Variants in MAPRE2 observed in about 807,000 individuals in gnomAD.
MAPRE2 encodes the protein microtubule-associated protein RP/EB family member 2.
MAPRE2 carries 13 observed loss-of-function variants against 43.2 expected under a neutral mutation model. The observed-to-expected ratio is 0.30, with a 90% confidence interval of 0.20 to 0.48. The LOEUF is 0.48. Ranked by LOEUF, MAPRE2 falls within the 20% of genes least tolerant of loss-of-function variation. The pLI is 0.99. For missense variants in MAPRE2, 161 were observed against 400.2 expected, an observed-to-expected ratio of 0.40 and a Z score of 5.10; for synonymous variants, 135 against 148.8, an observed-to-expected ratio of 0.91 and a Z score of 0.68.
At chr18:35,107,199 A>G (rs1021483700) in intron 4 of MAPRE2, among the ~76,000 whole-genome samples, 1 of 152,208 alleles carries the variant, frequency 6.6e-6, no homozygotes, top group Admixed American at 6.5e-5. Context: ...TCAGATTAAT[A>G]GGAATGCCAC....
intron 2 of MAPRE2, among the ~76,000 whole-genome samples, chr18:35,008,918 T>C (rs1187215448): frequency 3.3e-5 from 5 of 152,130 alleles, no homozygotes; most frequent in Non-Finnish European, 5.9e-5. Context: ...GAATGATTAC[T>C]AACTGTAAAG....
intron 1 of MAPRE2, among the ~76,000 whole-genome samples, chr18:35,052,742 GT>G (rs1008877775): frequency 8.5e-5 from 13 of 152,108 alleles, no homozygotes; most frequent in African/African-American, 3.1e-4. Context: ...TCTCTTAAAT[GT>G]TGGCCATCCT....
At chr18:35,067,255 C>G (rs1316975137) in intron 1 of MAPRE2, among the ~76,000 whole-genome samples, 1 of 152,208 alleles carries the variant, frequency 6.6e-6, no homozygotes, top group African/African-American at 2.4e-5. Flanking sequence ...TAATGAACTG[C>G]TTGAAGGCAG....
chr18:35,080,239 T>C (rs1907566349), intron 2 of MAPRE2, among the ~76,000 whole-genome samples: 1 of 152,232 alleles, frequency 6.6e-6, no homozygotes, highest in South Asian at 2.1e-4. Flanking sequence ...CACATTGCTT[T>C]ATTTATTCCT....
intron 1 of MAPRE2, among the ~76,000 whole-genome samples, chr18:35,004,434 T>C (rs1460248006): frequency 6.6e-6 from 1 of 152,196 alleles, no homozygotes; most frequent in African/African-American, 2.4e-5. Context: ...AGGTCATTCA[T>C]AGCAGCATCC....
chr18:35,028,741 T>C (rs1363058565), intron 2 of MAPRE2, among the ~76,000 whole-genome samples: 1 of 152,232 alleles, frequency 6.6e-6, no homozygotes, highest in African/African-American at 2.4e-5. Context: ...ATGCTCTTTA[T>C]ACTGCAAGCC....
At chr18:34,980,684 T>C (rs2150568766) in intron 1 of MAPRE2, among the ~76,000 whole-genome samples, 1 of 152,332 alleles carries the variant, frequency 6.6e-6, no homozygotes, top group Non-Finnish European at 1.5e-5. Flanking sequence ...TTACATTTCA[T>C]ACCCAACAAT....
chr18:35,125,657 C>T lies in MAPRE2; in HGVS notation c.611-1291C>T, dbSNP rs146332129. Among the ~76,000 whole-genome samples, 326 of 152,304 alleles carry T rather than the reference C, an allele frequency of 2.1e-3. 2 individuals carry two copies. Among genetic ancestry groups the T allele is most frequent in the Non-Finnish European group, 2.8e-3 (189 of 68,030 alleles). ...AGAGGAAAAGGGAATGGACGGGCCC[C>T]CAGTAGTGGCTTGGAATTTCATAAT... On this transcript the variant is annotated intron_variant, in intron 4 of 6. Transcript: ENST00000300249.
intron 2 of MAPRE2, among the ~76,000 whole-genome samples, chr18:35,096,766 TATAAGTA>T (rs1908440711): frequency 6.6e-6 from 1 of 151,896 alleles, no homozygotes; most frequent in African/African-American, 2.4e-5. Flanking sequence ...AGGTAATAAG[TATAAGTA>T]ATAATAGTTA....
At chr18:34,996,785 T>C (rs1394140438) in intron 1 of MAPRE2, among the ~76,000 whole-genome samples, 6 of 152,322 alleles carry the variant, frequency 3.9e-5, no homozygotes, top group African/African-American at 1.4e-4. Flanking sequence ...AGGTCTGAAA[T>C]GTGGTGCCCT....
chr18:34,996,227 C>T (rs919519604), intron 1 of MAPRE2, among the ~76,000 whole-genome samples: 2 of 152,088 alleles, frequency 1.3e-5, no homozygotes, highest in Non-Finnish European at 2.9e-5. Flanking sequence ...ACCTTTTTGG[C>T]ACCAGGGACC....
chr18:35,006,919 T>C (rs542375642), intron 2 of MAPRE2, among the ~76,000 whole-genome samples: 2 of 152,294 alleles, frequency 1.3e-5, no homozygotes, highest in East Asian at 3.9e-4. Flanking sequence ...GCCAAGATCG[T>C]GCCACTGCAC....
chr18:35,025,257 G>A (rs983595494), intron 2 of MAPRE2, among the ~76,000 whole-genome samples: 5 of 152,184 alleles, frequency 3.3e-5, no homozygotes, highest in African/African-American at 9.7e-5. Context: ...AGTGTTTTGC[G>A]TGCAGAATGT....
At chr18:35,113,737 A>G (rs1909284507) in intron 4 of MAPRE2, among the ~76,000 whole-genome samples, 1 of 152,152 alleles carries the variant, frequency 6.6e-6, no homozygotes, top group African/African-American at 2.4e-5. Context: ...TTCAAAAAAT[A>G]CAAAAATTAG....
intron 1 of MAPRE2, among the ~76,000 whole-genome samples, chr18:34,993,936 T>C (rs1165461321): frequency 6.6e-6 from 1 of 152,016 alleles, no homozygotes; most frequent in Non-Finnish European, 1.5e-5. Flanking sequence ...AGAGCAACCT[T>C]GGAGATGATC....
At position 35,140,577 on chromosome 18, in the gene MAPRE2, C is replaced by G. The variant is rs886736371; in HGVS notation, c.*208C>G. On this transcript the variant is annotated 3_prime_UTR_variant, in exon 7 of 7. Coordinates refer to ENST00000300249, the MANE Select transcript of MAPRE2 (RefSeq NM_014268.4). ...GCGGACGGCCCTCTGGCCACCTACC[C>G]GAGAGATCGTAGGGTCACATACATC... 2 of 554,902 alleles carry G rather than the reference C, an allele frequency of 3.6e-6. No individual in the cohort carries two copies. Among genetic ancestry groups the G allele is most frequent in the Non-Finnish European group, 6.4e-6 (2 of 310,110 alleles). The allele number at this position is 554,902 out of a possible 1,614,324, so 34.4% of individuals were successfully genotyped here.
chr18:35,035,331 G>A (rs1220712238), intron 2 of MAPRE2, among the ~76,000 whole-genome samples: 1 of 150,908 alleles, frequency 6.6e-6, no homozygotes, highest in Non-Finnish European at 1.5e-5. Flanking sequence ...ATGGACAAAG[G>A]AGGGGGAACA....
intron 1 of MAPRE2, chr18:34,984,314 T>A (rs1448481554): frequency 2.6e-5 from 4 of 152,178 alleles, no homozygotes; most frequent in African/African-American, 9.6e-5. Flanking sequence ...TGCCACAGAA[T>A]GGGAGTTTGC....
intron 4 of MAPRE2, among the ~76,000 whole-genome samples, chr18:35,113,535 T>C (rs902823335): frequency 1.3e-5 from 2 of 152,222 alleles, no homozygotes; most frequent in African/African-American, 4.8e-5. Context: ...ACTATTACTT[T>C]GCAACTCAGA....
Sources: allele counts gnomAD v4.1 joint callset (sites outside exome capture counted in the v4.1 genomes callset), GRCh38; gene constraint gnomAD v4.1.1; transcripts MANE v1.5; gene names NCBI Gene and HGNC (gene_info 2026-07-23, HGNC 2026-07-21).